ADAMTS17: variants seen among roughly 807,000 people sequenced by gnomAD.
ADAMTS17 encodes ADAM metallopeptidase with thrombospondin type 1 motif 17, also known as A disintegrin and metalloproteinase with thrombospondin motifs 17.
ADAMTS17 carries 113 observed loss-of-function variants against 141.5 expected under a neutral mutation model. The ratio of observed to expected loss-of-function variants is 0.80; its 90% CI spans 0.69 to 0.93. ADAMTS17 has a LOEUF of 0.93. Among genes scored for constraint, ADAMTS17 ranks in the 40% least tolerant of loss-of-function variants. The pLI is 0.00. For missense variants in ADAMTS17, 1,659 were observed against 1,517.9 expected, an observed-to-expected ratio of 1.09 and a Z score of -1.54; for synonymous variants, 768 against 630.6, an observed-to-expected ratio of 1.22 and a Z score of -3.27.
At position 100,261,615 on chromosome 15, in the gene ADAMTS17, G is replaced by A. The variant is rs2043520379; in HGVS notation, c.895C>T (p.His299Tyr). 1 of 1,613,972 alleles carries A rather than the reference G, an allele frequency of 6.2e-7. No homozygotes were observed. The highest frequency in any genetic ancestry group is 8.5e-7 in the Non-Finnish European group (1 of 1,179,954). Residue 299 changes from histidine to tyrosine, a missense_variant, in exon 6 of 22, where the codon CAT (histidine) becomes TAT (tyrosine). Physicochemically the swap from His to Tyr is moderately conservative, Grantham distance 83. Coordinates refer to ENST00000268070, the MANE Select transcript of ADAMTS17 (RefSeq NM_139057.4). ...AAGCTCTCCAGGGACCGCTCACCAT[G>A]GTGCCCAATGGACAACTTAGCCTAA... The part of the protein sequence containing the change: ...QRPAKLSIGH[H>Y]GERSLESFCH...
intron 8 of ADAMTS17, among the ~76,000 whole-genome samples, chr15:100,169,887 T>C (rs2040095386): frequency 6.6e-6 from 1 of 152,162 alleles, no homozygotes; most frequent in Non-Finnish European, 1.5e-5. Flanking sequence ...CTTGAAGCAA[T>C]GACACCTCTG....
chr15:100,215,064 T>G (rs1033054989), intron 7 of ADAMTS17, among the ~76,000 whole-genome samples: 1 of 152,170 alleles, frequency 6.6e-6, no homozygotes, highest in Non-Finnish European at 1.5e-5. Flanking sequence ...TCCAAAAACA[T>G]AACAACCCAA....
chr15:100,142,887 C>G (rs1229112042), intron 10 of ADAMTS17, among the ~76,000 whole-genome samples: 1 of 152,206 alleles, frequency 6.6e-6, no homozygotes, highest in Non-Finnish European at 1.5e-5. Flanking sequence ...CAATAACATT[C>G]TTAAACAGCG....
intron 15 of ADAMTS17, among the ~76,000 whole-genome samples, chr15:100,080,495 C>T (rs897401439): frequency 1.3e-5 from 2 of 152,120 alleles, no homozygotes; most frequent in Non-Finnish European, 1.5e-5. Context: ...CCAATCCAGG[C>T]AGGACTACAA....
At chr15:100,078,500 C>A (rs2034527352) in intron 15 of ADAMTS17, among the ~76,000 whole-genome samples, 1 of 152,020 alleles carries the variant, frequency 6.6e-6, no homozygotes, top group African/African-American at 2.4e-5. Flanking sequence ...AGTGTTGGGA[C>A]AACTGGATAT....
chr15:100,339,187 T>C, intron 2 of ADAMTS17: 1 of 978,988 alleles, frequency 1.0e-6, no homozygotes, highest in South Asian at 4.7e-5. Context: ...CACATGGTGC[T>C]AAAGGGAAGG....
intron 15 of ADAMTS17, among the ~76,000 whole-genome samples, chr15:100,088,251 A>G (rs1263377913): frequency 6.6e-6 from 1 of 152,224 alleles, no homozygotes; most frequent in African/African-American, 2.4e-5. Context: ...TGCTTCAAAG[A>G]GAATAAAATA....
chr15:100,330,950 G>A lies in ADAMTS17; in HGVS notation c.555C>T (p.Ser185=). The part of the protein sequence containing the change: ...GREHLIRRKW[S]LTPSPSAEAQ... ...CCTCAGCAGAAGGGCTGGGGGTCAA[G>A]GACCATTTGCGCCTGATCAGATGTT... is the stretch of plus-strand genomic sequence containing the variant. Residue 185 remains serine (S), a synonymous_variant, in exon 3 of 22, where the codon TCC becomes TCT. Transcript: ENST00000268070. 6.2e-7 allele frequency: 1 copy of A among 1,614,152 alleles called. No homozygotes were observed. Among genetic ancestry groups the A allele is most frequent in the Non-Finnish European group, 8.5e-7 (1 of 1,180,034 alleles).
At chr15:100,100,569 C>T (rs2036034723) in intron 14 of ADAMTS17, among the ~76,000 whole-genome samples, 1 of 152,070 alleles carries the variant, frequency 6.6e-6, no homozygotes, top group Non-Finnish European at 1.5e-5. Context: ...AACCTCCAAG[C>T]CATTTCTGAC....
At chr15:100,006,893 C>T (rs1030987465) in intron 18 of ADAMTS17, among the ~76,000 whole-genome samples, 14 of 152,162 alleles carry the variant, frequency 9.2e-5, no homozygotes, top group Non-Finnish European at 1.3e-4. Flanking sequence ...TGGCAAACAC[C>T]GCCCAAGCTC....
At chr15:100,002,792 T>C (rs1337640086) in intron 18 of ADAMTS17, among the ~76,000 whole-genome samples, 2 of 152,024 alleles carry the variant, frequency 1.3e-5, no homozygotes, top group African/African-American at 4.8e-5. Flanking sequence ...TTCTCTCCTT[T>C]GCTTCTTGTG....
intron 15 of ADAMTS17, among the ~76,000 whole-genome samples, chr15:100,088,639 G>GAAC (rs1454941349): frequency 0.012 from 1,749 of 152,030 alleles, 39 homozygotes; most frequent in African/African-American, 0.041. Flanking sequence ...TACCAAAACA[G>GAAC]AGATATAGAC....
At chr15:100,009,732 C>A (rs190692051) in intron 18 of ADAMTS17, among the ~76,000 whole-genome samples, 1 of 152,316 alleles carries the variant, frequency 6.6e-6, no homozygotes, top group African/African-American at 2.4e-5. Flanking sequence ...CTGGAATGGA[C>A]AGTCTATGTG....
intron 8 of ADAMTS17, 127 bp downstream of exon 8, chr15:100,199,191 G>C: frequency 1.2e-6 from 1 of 860,392 alleles, no homozygotes; most frequent in Admixed American, 1.9e-5. Context: ...TACTGACCTG[G>C]GTCCTTTATT....
intron 15 of ADAMTS17, among the ~76,000 whole-genome samples, 164 bp from the exon 16 acceptor site, chr15:100,054,218 G>C (rs2032378003): frequency 6.6e-6 from 1 of 152,150 alleles, no homozygotes; most frequent in African/African-American, 2.4e-5. Context: ...TGTATACTGA[G>C]AACAAAAGCC....
chr15:100,123,035 G>A (rs1030766663), intron 12 of ADAMTS17, among the ~76,000 whole-genome samples: 1 of 152,202 alleles, frequency 6.6e-6, no homozygotes, highest in African/African-American at 2.4e-5. Flanking sequence ...TCCACAGATG[G>A]CTACCTGACA....
At chr15:100,009,867 A>G (rs2061124622) in intron 18 of ADAMTS17, among the ~76,000 whole-genome samples, 1 of 152,208 alleles carries the variant, frequency 6.6e-6, no homozygotes, top group South Asian at 2.1e-4. Flanking sequence ...TGAGTACTGA[A>G]TCCTATTTTG....
chr15:100,217,704 G>A (rs1427901711), intron 7 of ADAMTS17, among the ~76,000 whole-genome samples: 1 of 152,190 alleles, frequency 6.6e-6, no homozygotes, highest in Non-Finnish European at 1.5e-5. Flanking sequence ...CTACATCAAA[G>A]TTGAAATTTT....
chr15:100,022,206 C>T (rs755581900), intron 18 of ADAMTS17, among the ~76,000 whole-genome samples: 20 of 152,218 alleles, frequency 1.3e-4, no homozygotes, highest in Non-Finnish European at 2.2e-4. Context: ...ACCCAGTGTC[C>T]CCTTCTGGAT....
Sources: gnomAD v4.1 joint callset for allele counts (sites outside exome capture counted in the v4.1 genomes callset) on GRCh38, gnomAD v4.1.1 for gene constraint, MANE v1.5 for transcripts, NCBI Gene and HGNC (gene_info 2026-07-23, HGNC 2026-07-21) for gene names.